RANBP2: variants seen among roughly 807,000 people sequenced by gnomAD.
RANBP2 encodes the protein RAN binding protein 2.
RANBP2 carries 57 observed loss-of-function variants against 303.6 expected under a neutral mutation model. That is an observed-to-expected ratio of 0.19 (90% CI 0.15 to 0.23). The LOEUF is 0.23. RANBP2 is among the 10% of genes least tolerant of loss of function. The pLI, the probability that RANBP2 is intolerant of heterozygous loss-of-function variation, is 1.00. For synonymous variants in RANBP2, 1,167 were observed against 1,301.5 expected (o/e 0.90, Z 2.23); for missense variants, 3,138 against 3,780.8 (o/e 0.83, Z 4.46).
At chr2:109,648,446 C>G in the RANBP2 span, among the ~76,000 whole-genome samples, 1 of 152,164 alleles carries the variant, frequency 6.6e-6, no homozygotes, top group African/African-American at 2.4e-5. Context: ...CGCCTCCCAG[C>G]AGTTCTCTTG....
At chr2:109,515,614 C>T in the RANBP2 span, among the ~76,000 whole-genome samples, 117,246 of 151,984 alleles carry the variant, frequency 0.77, 46,375 homozygotes, top group Non-Finnish European at 0.87. Flanking sequence ...GCTACAGAGA[C>T]GCTTCTTCCC....
At chr2:108,810,058 G>A in the RANBP2 span, among the ~76,000 whole-genome samples, 151 of 152,128 alleles carry the variant, frequency 9.9e-4, no homozygotes, top group African/African-American at 3.4e-3. Flanking sequence ...CGCCTGCCTC[G>A]GCCTCCCATA....
At chr2:109,014,276 C>T in the RANBP2 span, among the ~76,000 whole-genome samples, 6 of 152,166 alleles carry the variant, frequency 3.9e-5, no homozygotes, top group African/African-American at 9.7e-5. Flanking sequence ...AGGGATGAGG[C>T]GAGACACCCA....
the RANBP2 span, among the ~76,000 whole-genome samples, chr2:109,463,817 C>T: frequency 2.0e-5 from 3 of 152,182 alleles, no homozygotes; most frequent in Non-Finnish European, 4.4e-5. Flanking sequence ...AGGGAATTGT[C>T]CCTCAGTGGA....
the RANBP2 span, among the ~76,000 whole-genome samples, chr2:109,039,390 G>A: frequency 3.3e-5 from 5 of 151,750 alleles, no homozygotes; most frequent in Non-Finnish European, 1.5e-5. Context: ...TTGCTCTGTC[G>A]CCCAGGCTGG....
At chr2:108,878,132 A>C in the RANBP2 span, among the ~76,000 whole-genome samples, 1 of 152,272 alleles carries the variant, frequency 6.6e-6, no homozygotes, top group Admixed American at 6.5e-5. Context: ...TTATTAAATC[A>C]ACCTCATATC....
the RANBP2 span, among the ~76,000 whole-genome samples, chr2:109,541,769 C>T: frequency 2.0e-5 from 3 of 152,176 alleles, no homozygotes; most frequent in African/African-American, 7.2e-5. Context: ...CTTCTTTGGA[C>T]GGCTCCTTGT....
At chr2:109,241,513 G>A in the RANBP2 span, among the ~76,000 whole-genome samples, 2 of 151,928 alleles carry the variant, frequency 1.3e-5, no homozygotes, top group African/African-American at 4.8e-5. Context: ...CATTTTGTTG[G>A]CAGAAAATCA....
the RANBP2 span, among the ~76,000 whole-genome samples, chr2:108,809,549 G>A: frequency 6.6e-6 from 1 of 150,564 alleles, no homozygotes; most frequent in Non-Finnish European, 1.5e-5. Flanking sequence ...TCACTTCCTT[G>A]GTTAAATTTA....
the RANBP2 span, chr2:108,798,625 T>G: frequency 6.1e-6 from 9 of 1,467,484 alleles, no homozygotes; most frequent in Non-Finnish European, 7.4e-6. Context: ...GGTATATTTC[T>G]TCTTTTCTTC....
the RANBP2 span, among the ~76,000 whole-genome samples, chr2:109,620,563 A>C: frequency 2.8e-4 from 43 of 152,224 alleles, no homozygotes; most frequent in African/African-American, 9.9e-4. Flanking sequence ...TTAGCTGAGC[A>C]TGGTGGTGCA....
downstream of RANBP2, among the ~76,000 whole-genome samples, chr2:108,786,575 G>A (rs1678757084): frequency 6.6e-6 from 1 of 152,086 alleles, no homozygotes; most frequent in Non-Finnish European, 1.5e-5. Flanking sequence ...CAGGCAGCCG[G>A]GGCAGGACTA....
chr2:109,368,337 G>A, the RANBP2 span, among the ~76,000 whole-genome samples: 2 of 152,066 alleles, frequency 1.3e-5, no homozygotes, highest in Non-Finnish European at 2.9e-5. Context: ...ACATTCCCCA[G>A]TTCAAGATTA....
chr2:109,589,491 C>T, the RANBP2 span, among the ~76,000 whole-genome samples: 1 of 152,028 alleles, frequency 6.6e-6, no homozygotes, highest in South Asian at 2.1e-4. Flanking sequence ...GATCCTGCCA[C>T]TGTGCTCCAG....
chr2:108,846,145 C>T, the RANBP2 span, among the ~76,000 whole-genome samples: 2 of 152,100 alleles, frequency 1.3e-5, no homozygotes, highest in Non-Finnish European at 2.9e-5. Flanking sequence ...AGCTGGTTTT[C>T]ATTGATGGTG....
chr2:108,814,226 C>T, the RANBP2 span, among the ~76,000 whole-genome samples: 1 of 152,098 alleles, frequency 6.6e-6, no homozygotes, highest in East Asian at 1.9e-4. Flanking sequence ...GATACACTCC[C>T]ATTAACAGTG....
the RANBP2 span, among the ~76,000 whole-genome samples, chr2:109,074,028 A>G: frequency 6.6e-6 from 1 of 150,904 alleles, no homozygotes; most frequent in African/African-American, 2.4e-5. Context: ...GAAGACAGCA[A>G]GAGAGAAAAA....
chr2:109,763,264 A>G, the RANBP2 span, among the ~76,000 whole-genome samples: 5 of 150,552 alleles, frequency 3.3e-5, no homozygotes, highest in Non-Finnish European at 5.9e-5. Context: ...CACTGTTCTG[A>G]GTACATTACA....
the RANBP2 span, among the ~76,000 whole-genome samples, chr2:109,537,966 CACACACACACACAA>C: frequency 4.7e-4 from 71 of 151,090 alleles, no homozygotes; most frequent in African/African-American, 1.6e-3. Context: ...CACACACATA[CACACACACACACAA>C]ACACACACAC....
Sources: allele counts gnomAD v4.1 joint callset (sites outside exome capture counted in the v4.1 genomes callset), GRCh38; gene constraint gnomAD v4.1.1; transcripts MANE v1.5; gene names NCBI Gene and HGNC (gene_info 2026-07-23, HGNC 2026-07-21).